Variants in EBF2 observed in about 807,000 individuals in gnomAD.
The protein encoded by EBF2 is EBF transcription factor 2, also known as transcription factor COE2.
In EBF2, 21 loss-of-function variants were observed where a neutral mutation model predicts 72.8. The ratio of observed to expected loss-of-function variants is 0.29; its 90% CI spans 0.20 to 0.42. EBF2 has a LOEUF of 0.42. Ranked by LOEUF, EBF2 falls within the 10% of genes least tolerant of loss-of-function variation. EBF2 has a pLI of 1.00. For synonymous variants in EBF2, 299 were observed against 274.2 expected (o/e 1.09, Z -0.89); for missense variants, 637 against 731.2 (o/e 0.87, Z 1.49).
intron 6 of EBF2, among the ~76,000 whole-genome samples, chr8:25,967,162 T>G (rs1202340928): frequency 6.6e-6 from 1 of 152,166 alleles, no homozygotes; most frequent in Non-Finnish European, 1.5e-5. Flanking sequence ...ACAGGGGAAC[T>G]AACATCGGGA....
At chr8:25,892,946 A>C (rs943876801) in intron 7 of EBF2, among the ~76,000 whole-genome samples, 1 of 152,184 alleles carries the variant, frequency 6.6e-6, no homozygotes, top group African/African-American at 2.4e-5. Flanking sequence ...TTCCTTCCAG[A>C]AAGTTCCTAT....
At position 25,862,744 on chromosome 8, in the gene EBF2, G is replaced by C. The variant is rs780347017; in HGVS notation, c.1063C>G (p.Pro355Ala). The C allele has an allele frequency of 1.2e-6, 2 of 1,604,076 alleles. No individual in the cohort carries two copies. Among genetic ancestry groups the C allele is most frequent in the Non-Finnish European group, 1.7e-6 (2 of 1,174,340 alleles). The change falls in exon 11 of 16, where the codon CCT becomes GCT. Residue 355 changes from proline to alanine, a missense_variant. By Grantham distance (27) the Pro-to-Ala change is conservative. Transcript: ENST00000520164. ...YGFQRLQKVI[P>A]RHPGDPERLA... ...CTCTCAGGATCTCCAGGATGCCTAG[G>C]GATGACCTTCTGCAGTCTCTGGAAG... is the stretch of plus-strand genomic sequence containing the variant.
intron 6 of EBF2, among the ~76,000 whole-genome samples, chr8:25,956,122 T>C (rs1205591699): frequency 6.6e-6 from 1 of 152,172 alleles, no homozygotes; most frequent in Non-Finnish European, 1.5e-5. Flanking sequence ...TTATTCCTTT[T>C]TTAAAAAAAT....
intron 6 of EBF2, among the ~76,000 whole-genome samples, chr8:25,926,173 G>C (rs1217245626): frequency 6.6e-6 from 1 of 152,092 alleles, no homozygotes; most frequent in Admixed American, 6.5e-5. Context: ...CCAGGTACCA[G>C]TGGGCCACAA....
At chr8:25,869,445 T>C (rs1046354029) in intron 10 of EBF2, among the ~76,000 whole-genome samples, 9 of 152,186 alleles carry the variant, frequency 5.9e-5, no homozygotes, top group Non-Finnish European at 1.3e-4. Context: ...AGTACGACCC[T>C]GTGTGCACAT....
At chr8:25,874,833 T>A (rs1002408993) in intron 10 of EBF2, among the ~76,000 whole-genome samples, 35 of 148,474 alleles carry the variant, frequency 2.4e-4, no homozygotes, top group Admixed American at 2.3e-3. Context: ...TACAAGCCCA[T>A]GCCCCACCAG....
At chr8:25,911,474 C>T (rs1312896074) in intron 6 of EBF2, among the ~76,000 whole-genome samples, 1 of 152,118 alleles carries the variant, frequency 6.6e-6, no homozygotes, top group Non-Finnish European at 1.5e-5. Flanking sequence ...GCAATCCGGT[C>T]CCTAGGTCAG....
intron 10 of EBF2, among the ~76,000 whole-genome samples, chr8:25,874,330 G>A (rs1280080373): frequency 3.3e-5 from 5 of 151,976 alleles, no homozygotes; most frequent in Admixed American, 6.6e-5. Flanking sequence ...GAAAAACCTC[G>A]GCCTCTGATT....
intron 6 of EBF2, among the ~76,000 whole-genome samples, chr8:25,950,639 C>A (rs1387600450): frequency 6.6e-6 from 1 of 152,220 alleles, no homozygotes; most frequent in Non-Finnish European, 1.5e-5. Flanking sequence ...AAGATTGGGT[C>A]TCCTTCAAGG....
intron 4 of EBF2, among the ~76,000 whole-genome samples, 164 bp downstream of exon 4, chr8:26,040,452 A>G (rs918476641): frequency 2.0e-5 from 3 of 151,874 alleles, no homozygotes; most frequent in Non-Finnish European, 4.4e-5. Context: ...GAAAAAAAAA[A>G]AAAAATCTTC....
chr8:25,849,259 G>A (rs2117245457), intron 15 of EBF2, among the ~76,000 whole-genome samples: 1 of 152,276 alleles, frequency 6.6e-6, no homozygotes, highest in Admixed American at 6.5e-5. Context: ...CAGTTTCTCT[G>A]TAGAGTCACT....
intron 2 of EBF2, 103 bp from the exon 3 acceptor site, chr8:26,041,105 A>C: frequency 7.2e-7 from 1 of 1,381,542 alleles, no homozygotes; most frequent in Non-Finnish European, 1.0e-6. Context: ...TCCCCATCAA[A>C]AGGCAGCTTT....
At chr8:25,857,978 A>G (rs1802127699) in intron 14 of EBF2, 1 of 405,568 alleles carries the variant, frequency 2.5e-6, no homozygotes, top group Non-Finnish European at 4.7e-6. Context: ...TGGAGATTAA[A>G]TAAAATATTA....
At chr8:26,003,806 T>A (rs1440479981) in intron 6 of EBF2, among the ~76,000 whole-genome samples, 3 of 152,060 alleles carry the variant, frequency 2.0e-5, no homozygotes, top group Non-Finnish European at 4.4e-5. Context: ...AATTCACACA[T>A]CCTCTGAGCC....
At chr8:25,944,915 A>T (rs1244807911) in intron 6 of EBF2, among the ~76,000 whole-genome samples, 1 of 152,034 alleles carries the variant, frequency 6.6e-6, no homozygotes. Flanking sequence ...GTGGCCTCTG[A>T]TAAGACAGGA....
intron 10 of EBF2, among the ~76,000 whole-genome samples, chr8:25,871,125 GTC>G (rs1802433096): frequency 6.6e-6 from 1 of 152,082 alleles, no homozygotes; most frequent in African/African-American, 2.4e-5. Context: ...TTGCTTTTGC[GTC>G]TCTTAGATTC....
At position 26,033,197 on chromosome 8, in the gene EBF2, T is replaced by A. The variant is rs746245491; in HGVS notation, c.483-44A>T. On this transcript the variant is annotated intron_variant, in intron 5 of 15. Coordinates refer to ENST00000520164, the MANE Select transcript of EBF2 (RefSeq NM_022659.4). ...CCAAGAGTGAAAGAAATTTATTAAA[T>A]CAAGAAAATGCAATGAGCACATGAC... The A allele has an allele frequency of 4.4e-6, 7 of 1,585,556 alleles. No homozygotes were observed. The Admixed American group carries it at 1.2e-4, about 26-fold the overall frequency.
At chr8:25,862,620 T>C in intron 11 of EBF2, 89 bp downstream of exon 11, 1 of 1,029,466 alleles carries the variant, frequency 9.7e-7, no homozygotes, top group South Asian at 1.9e-5. Context: ...GCCTAATTAA[T>C]TTTAATGGGA....
intron 6 of EBF2, among the ~76,000 whole-genome samples, chr8:26,024,463 C>T (rs1805265688): frequency 6.6e-6 from 1 of 152,086 alleles, no homozygotes; most frequent in Non-Finnish European, 1.5e-5. Context: ...GCATAATAGG[C>T]CCTTGATAAA....
Sources: gnomAD v4.1 joint callset for allele counts (sites outside exome capture counted in the v4.1 genomes callset) on GRCh38, gnomAD v4.1.1 for gene constraint, MANE v1.5 for transcripts, NCBI Gene and HGNC (gene_info 2026-07-23, HGNC 2026-07-21) for gene names.